TMPRSS2: variants seen among roughly 807,000 people sequenced by gnomAD.
The protein encoded by TMPRSS2 is transmembrane serine protease 2.
TMPRSS2 carries 59 observed loss-of-function variants against 67.4 expected under a neutral mutation model. The ratio of observed to expected loss-of-function variants is 0.88; its 90% confidence interval spans 0.71 to 1.09. TMPRSS2 has a LOEUF of 1.09. Ranked by LOEUF, TMPRSS2 falls within the 50% of genes least tolerant of loss-of-function variation. The pLI is 0.00. For synonymous variants in TMPRSS2, 257 were observed against 257.0 expected, an observed-to-expected ratio of 1.00 and a Z score of 0.00; for missense variants, 668 against 642.7, an observed-to-expected ratio of 1.04 and a Z score of -0.43.
At chr21:41,490,071 C>T (rs1397921541) in intron 3 of TMPRSS2, among the ~76,000 whole-genome samples, 1 of 150,952 alleles carries the variant, frequency 6.6e-6, no homozygotes, top group Non-Finnish European at 1.5e-5. Flanking sequence ...TCACTTGAAC[C>T]CAGGAGGCAG....
At chr21:41,491,642 T>C (rs1601584250) in intron 3 of TMPRSS2, among the ~76,000 whole-genome samples, 2 of 152,376 alleles carry the variant, frequency 1.3e-5, no homozygotes, top group East Asian at 3.9e-4. Context: ...CCTCCGTCTA[T>C]GGCTTCCCGA....
At chr21:41,505,495 G>A (rs2146514021) in intron 1 of TMPRSS2, among the ~76,000 whole-genome samples, 1 of 152,284 alleles carries the variant, frequency 6.6e-6, no homozygotes, top group African/African-American at 2.4e-5. Context: ...TCACCTACAG[G>A]ACATTTGCAC....
In TMPRSS2 at chr21:41,489,709, A is replaced by G; in HGVS notation, c.239-116T>C. On this transcript the variant is annotated intron_variant, in intron 3 of 13. Coordinates refer to ENST00000332149, the MANE Select transcript of TMPRSS2 (RefSeq NM_005656.4). Reference sequence around the variant, plus strand: ...ATTAAGAAATAATTATTTCATATACACTTAAAAATGTGACTTTTAATTTTA... The same window carrying G: ...ATTAAGAAATAATTATTTCATATACGCTTAAAAATGTGACTTTTAATTTTA... 3 of 655,664 alleles carry G rather than the reference A, an allele frequency of 4.6e-6. No individual in the cohort carries two copies. The South Asian group carries it at 6.3e-5, about 14-fold the overall frequency. 40.6% of individuals were successfully genotyped at this position (655,664 alleles called of 1,614,324 possible).
At chr21:41,491,149 GCAT>G (rs1569023056) in intron 3 of TMPRSS2, among the ~76,000 whole-genome samples, 2 of 121,458 alleles carry the variant, frequency 1.6e-5, no homozygotes, top group African/African-American at 6.3e-5. Flanking sequence ...AATCTGCATT[GCAT>G]TTTTTTTTTT....
chr21:41,498,521 A>G (rs141128014), intron 1 of TMPRSS2, among the ~76,000 whole-genome samples: 46 of 152,294 alleles, frequency 3.0e-4, no homozygotes, highest in African/African-American at 1.0e-3. Context: ...TCAAACATCC[A>G]TCGGGAAGGG....
chr21:41,493,466 G>A lies in TMPRSS2; in HGVS notation c.238+890C>T, dbSNP rs538161583. 3.3e-5 allele frequency among the ~76,000 whole-genome samples: 5 copies of A among 152,276 alleles called. No individual in the cohort carries two copies. The South Asian group carries it at 6.2e-4, about 19-fold the overall frequency. ...TTCACAGAGCACTGGCATTAATCAC[G>A]TTGATGACTGATTATGTGATGTGGA... On this transcript the variant is annotated intron_variant, in intron 3 of 13. Transcript: ENST00000332149.
At chr21:41,466,256 T>C (rs951888647) in intron 13 of TMPRSS2, 103 bp from the exon 14 acceptor site, 15 of 1,127,108 alleles carry the variant, frequency 1.3e-5, no homozygotes, top group Non-Finnish European at 2.0e-5. Context: ...AGAAACCAAA[T>C]AAGCAAGCTT....
chr21:41,497,921 GC>G (rs557606231), intron 2 of TMPRSS2, among the ~76,000 whole-genome samples, 197 bp downstream of exon 2: 232 of 152,338 alleles, frequency 1.5e-3, no homozygotes, highest in African/African-American at 5.2e-3. Context: ...AACAGCCATG[GC>G]TCTTGCGACT....
intron 10 of TMPRSS2, among the ~76,000 whole-genome samples, chr21:41,471,299 G>T (rs1414962343): frequency 6.6e-6 from 1 of 152,182 alleles, no homozygotes; most frequent in Non-Finnish European, 1.5e-5. Flanking sequence ...TAAGCAACTT[G>T]GTTTTAGAAT....
At chr21:41,492,117 T>A (rs1380156090) in intron 3 of TMPRSS2, among the ~76,000 whole-genome samples, 5 of 152,168 alleles carry the variant, frequency 3.3e-5, no homozygotes, top group Non-Finnish European at 7.3e-5. Context: ...CGCTTGAACC[T>A]GAGAGGCAGA....
intron 10 of TMPRSS2, among the ~76,000 whole-genome samples, chr21:41,471,385 G>A (rs1049251406): frequency 2.0e-5 from 3 of 152,190 alleles, no homozygotes; most frequent in South Asian, 2.1e-4. Flanking sequence ...GCCTCAAAGC[G>A]GATGTTTGGC....
intron 13 of TMPRSS2, 104 bp downstream of exon 13, chr21:41,467,630 A>C: frequency 1.5e-6 from 2 of 1,369,912 alleles, no homozygotes; most frequent in South Asian, 2.7e-5. Context: ...CATGCTGACC[A>C]GTGGTCACCA....
At chr21:41,479,669 C>A (rs2146450293) in intron 6 of TMPRSS2, among the ~76,000 whole-genome samples, 1 of 152,320 alleles carries the variant, frequency 6.6e-6, no homozygotes, top group East Asian at 1.9e-4. Context: ...TTCACCCCTG[C>A]TGTTTAGGGA....
At chr21:41,469,139 A>C (rs1362219969) in intron 11 of TMPRSS2, among the ~76,000 whole-genome samples, 2 of 151,568 alleles carry the variant, frequency 1.3e-5, no homozygotes, top group African/African-American at 4.9e-5. Context: ...ATTCTCACCA[A>C]CCAATATTTC....
chr21:41,495,033 T>C (rs1156386972), intron 2 of TMPRSS2, among the ~76,000 whole-genome samples: 2 of 148,786 alleles, frequency 1.3e-5, no homozygotes, highest in Non-Finnish European at 3.0e-5. Flanking sequence ...CTCACCACTG[T>C]ACTCCAGCCT....
At chr21:41,489,940 G>C (rs1473448939) in intron 3 of TMPRSS2, among the ~76,000 whole-genome samples, 1 of 152,076 alleles carries the variant, frequency 6.6e-6, no homozygotes. Flanking sequence ...TTGAGGTCAA[G>C]AGTTCAAGAC....
intron 13 of TMPRSS2, 99 bp from the exon 14 acceptor site, chr21:41,466,252 C>A (rs2146416934): frequency 3.3e-6 from 4 of 1,197,652 alleles, no homozygotes; most frequent in South Asian, 1.3e-5. Context: ...ACTTAGAAAC[C>A]AAATAAGCAA....
chr21:41,482,236 T>C (rs1177221150), intron 5 of TMPRSS2, among the ~76,000 whole-genome samples: 1 of 152,180 alleles, frequency 6.6e-6, no homozygotes, highest in Non-Finnish European at 1.5e-5. Context: ...AGTCGCTCCC[T>C]ATTCCCAATC....
chr21:41,496,958 A>G (rs1490759866), intron 2 of TMPRSS2, among the ~76,000 whole-genome samples: 1 of 148,284 alleles, frequency 6.7e-6, no homozygotes, highest in Non-Finnish European at 1.5e-5. Flanking sequence ...CGTCTGCCTC[A>G]GCCGCCCGAG....
Sources: allele counts gnomAD v4.1 joint callset (sites outside exome capture counted in the v4.1 genomes callset), GRCh38; gene constraint gnomAD v4.1.1; transcripts MANE v1.5; gene names NCBI Gene and HGNC (gene_info 2026-07-23, HGNC 2026-07-21).